The following B4GALT1 variants were observed in gnomAD, a reference collection of about 807,000 sequenced individuals.
B4GALT1 encodes N-acetyllactosamine synthase.
In B4GALT1, 16 loss-of-function variants were observed where a neutral mutation model predicts 34.9. The ratio of observed to expected loss-of-function variants is 0.46; its 90% CI spans 0.31 to 0.70. The LOEUF (loss-of-function observed/expected upper bound fraction) is 0.70. Among genes scored for constraint, B4GALT1 ranks in the 30% least tolerant of loss-of-function variants. The probability of loss-of-function intolerance (pLI) is 0.05; values close to 1 mark genes in which losing one functional copy is unlikely to be tolerated. For synonymous variants in B4GALT1, 221 were observed against 218.1 expected, an observed-to-expected ratio of 1.01 and a Z score of -0.12; for missense variants, 445 against 530.5, an observed-to-expected ratio of 0.84 and a Z score of 1.58.
the B4GALT1 span, among the ~76,000 whole-genome samples, chr9:33,178,622 C>T: frequency 1.4e-4 from 21 of 152,322 alleles, no homozygotes; most frequent in African/African-American, 4.6e-4. Context: ...AGGCCCTGCT[C>T]AGTGACTTTG....
Position 33,150,260 on chromosome 9 carries a change from A to ACACG in B4GALT1, c.413-14837_413-14836insCGTG, listed in dbSNP as rs1480596824. ...CACACACACACACACACACACACAC[A>ACACG]CACACAGAGCGAGAGAGAGAGAGAG... On this transcript the variant is annotated intron_variant, in intron 1 of 5. Transcript: ENST00000379731. Among the ~76,000 whole-genome samples the ACACG allele has an allele frequency of 7.6e-4, 115 of 151,120 alleles. 3 individuals are homozygous for ACACG. The highest frequency in any genetic ancestry group is 2.8e-4 in the Non-Finnish European group (19 of 67,716).
chr9:33,135,580 C>T (rs1432802240), intron 1 of B4GALT1, among the ~76,000 whole-genome samples, 156 bp from the exon 2 acceptor site: 3 of 152,366 alleles, frequency 2.0e-5, no homozygotes, highest in African/African-American at 7.2e-5. Flanking sequence ...TGCCCAGCAT[C>T]AGGCACCACA....
At chr9:33,139,203 G>C (rs185132010) in intron 1 of B4GALT1, among the ~76,000 whole-genome samples, 2 of 152,172 alleles carry the variant, frequency 1.3e-5, no homozygotes, top group Non-Finnish European at 2.9e-5. Context: ...GAGGTAGGGA[G>C]GGAGGATGGA....
chr9:33,146,401 G>A (rs143474797), intron 1 of B4GALT1, among the ~76,000 whole-genome samples: 189 of 152,348 alleles, frequency 1.2e-3, no homozygotes, highest in Non-Finnish European at 2.1e-3. Flanking sequence ...TTCTCAGAAA[G>A]GTTTAGAATG....
chr9:33,122,101 C>T (rs1840029095), intron 2 of B4GALT1, among the ~76,000 whole-genome samples: 1 of 152,222 alleles, frequency 6.6e-6, no homozygotes, highest in Admixed American at 6.5e-5. Context: ...ATGCTCTTTC[C>T]CATCTCTCTT....
Position 33,120,479 on chromosome 9 carries a change from G to T in B4GALT1, c.776C>A (p.Ala259Glu). Residue 259 changes from alanine (A) to glutamate (E), a missense_variant, in exon 3 of 6, where the codon GCG becomes GAG. By Grantham distance (107) the Ala-to-Glu change is moderately radical. Transcript: ENST00000379731. ...VDLIPMNDHN[A>E]YRCFSQPRHI... is the part of the protein sequence containing the mutation. ...CCGTGGCTGTGAAAAACACCTGTAC[G>T]CATTATGGTCATTCATTGGAATGAG... The T allele has an allele frequency of 6.2e-7, 1 of 1,614,070 alleles. No homozygotes were observed. Among genetic ancestry groups the T allele is most frequent in the Non-Finnish European group, 8.5e-7 (1 of 1,180,030 alleles).
rs537402869 is a variant in B4GALT1 at position 33,113,440 on chromosome 9, C to T, written c.*14G>A. The T allele has an allele frequency of 1.0e-4, 169 of 1,614,092 alleles. No homozygotes were observed. Among genetic ancestry groups the T allele is most frequent in the East Asian group, 3.1e-4 (14 of 44,878 alleles). On this transcript the variant is annotated 3_prime_UTR_variant, in exon 6 of 6. Transcript: ENST00000379731. ...CCTGGCTAATTTCAGGTCTCTTATCCGTGTACCAAAACGCTAGCTCGGTGT... is the reference window on the plus strand; with the variant it reads ...CCTGGCTAATTTCAGGTCTCTTATCTGTGTACCAAAACGCTAGCTCGGTGT...
intron 1 of B4GALT1, among the ~76,000 whole-genome samples, chr9:33,146,355 T>C (rs746279477): frequency 2.6e-5 from 4 of 152,238 alleles, no homozygotes; most frequent in African/African-American, 4.8e-5. Flanking sequence ...TCTGTCCTTT[T>C]AGAACTAGAG....
chr9:33,128,142 G>A (rs556605083), intron 2 of B4GALT1, among the ~76,000 whole-genome samples: 2 of 152,282 alleles, frequency 1.3e-5, no homozygotes, highest in South Asian at 4.2e-4. Flanking sequence ...CAGAAGAGAA[G>A]GTAGGTGGAG....
Position 33,167,011 on chromosome 9 carries a change from C to T in B4GALT1, c.159G>A (p.Leu53=), listed in dbSNP as rs922978405. ...CCTGCAGCGGTGTGGAGACTCCGAC[C>T]AGTTGGGGCAGGCGGCTCAGGTCGC... is the stretch of plus-strand genomic sequence containing the variant. ...AGRDLSRLPQ[L]VGVSTPLQGG... The change falls in exon 1 of 6, where the codon CTG becomes CTA. Residue 53 remains leucine (L), a synonymous_variant. Transcript: ENST00000379731. The T allele has an allele frequency of 6.3e-7, 1 of 1,597,316 alleles. No homozygotes were observed. The highest frequency in any genetic ancestry group is 1.1e-5 in the South Asian group (1 of 90,250).
chr9:33,182,234 C>A, the B4GALT1 span, among the ~76,000 whole-genome samples: 1 of 152,192 alleles, frequency 6.6e-6, no homozygotes, highest in Non-Finnish European at 1.5e-5. Flanking sequence ...CTTCACATGG[C>A]CTTCTCTCTG....
downstream of B4GALT1, among the ~76,000 whole-genome samples, chr9:33,109,837 T>G (rs1372166384): frequency 1.3e-5 from 2 of 152,206 alleles, no homozygotes; most frequent in African/African-American, 4.8e-5. Flanking sequence ...GAGAAATCCC[T>G]ACATATCTAG....
chr9:33,158,678 G>A (rs141717147), intron 1 of B4GALT1, among the ~76,000 whole-genome samples: 12 of 152,102 alleles, frequency 7.9e-5, no homozygotes, highest in African/African-American at 2.9e-4. Context: ...TGGAAGAGAG[G>A]TCCTTCATTC....
At position 33,116,110 on chromosome 9, in the gene B4GALT1, T is replaced by G. The variant is rs1247380560; in HGVS notation, c.840A>C (p.Leu280=). Reference sequence around the variant, plus strand: ...CACCTCCAAAATACTGAACATAAGGTAGGCTGGAGGAAAAACATACACACA... The same window carrying G: ...CACCTCCAAAATACTGAACATAAGGGAGGCTGGAGGAAAAACATACACACA... ...SVAMDKFGFS[L]PYVQYFGGVS... The change falls in exon 4 of 6, where the codon CTA becomes CTC. Residue 280 remains leucine (L), a synonymous_variant. Coordinates refer to ENST00000379731, the MANE Select transcript of B4GALT1 (RefSeq NM_001497.4). 1.2e-6 allele frequency: 2 copies of G among 1,612,906 alleles called. No homozygotes were observed. Among genetic ancestry groups the G allele is most frequent in the Admixed American group, 3.3e-5 (2 of 59,956 alleles).
At chr9:33,181,704 A>G in the B4GALT1 span, among the ~76,000 whole-genome samples, 20 of 152,244 alleles carry the variant, frequency 1.3e-4, 1 homozygote, top group African/African-American at 4.8e-4. Flanking sequence ...GTGGCCCAAG[A>G]AGGACTAATG....
At chr9:33,182,877 G>C in the B4GALT1 span, among the ~76,000 whole-genome samples, 133 of 152,002 alleles carry the variant, frequency 8.7e-4, no homozygotes, top group African/African-American at 3.0e-3. Context: ...AGAGAAAATA[G>C]TGTAAGTCTC....
chr9:33,151,555 C>T (rs1050174937), intron 1 of B4GALT1, among the ~76,000 whole-genome samples: 1 of 152,208 alleles, frequency 6.6e-6, no homozygotes, highest in Non-Finnish European at 1.5e-5. Context: ...ATTTCCTTCT[C>T]TAAGGAGTGG....
Position 33,163,668 on chromosome 9 carries a change from G to T in B4GALT1, c.412+3090C>A, listed in dbSNP as rs568443739. On this transcript the variant is annotated intron_variant, in intron 1 of 5. Coordinates refer to ENST00000379731, the MANE Select transcript of B4GALT1 (RefSeq NM_001497.4). ...CAATCTGAGCAGAGATAAACATGAC[G>T]GGGGAAGAAGCCCAAGGCCACTGTT... 6.8e-4 allele frequency among the ~76,000 whole-genome samples: 104 copies of T among 152,334 alleles called. No individual in the cohort carries two copies. The South Asian group carries it at 0.021, about 31-fold the overall frequency.
intron 4 of B4GALT1, among the ~76,000 whole-genome samples, chr9:33,114,728 A>G (rs1178517441): frequency 6.6e-6 from 1 of 152,222 alleles, no homozygotes; most frequent in Non-Finnish European, 1.5e-5. Context: ...CAGCAAAGTT[A>G]GTTAAGAGGC....
Sources: gnomAD v4.1 joint callset for allele counts (sites outside exome capture counted in the v4.1 genomes callset) on GRCh38, gnomAD v4.1.1 for gene constraint, MANE v1.5 for transcripts, NCBI Gene and HGNC (gene_info 2026-07-23, HGNC 2026-07-21) for gene names.